The following MYRIP variants were observed in gnomAD, a reference collection of about 807,000 sequenced individuals.
MYRIP encodes the protein rab effector MyRIP.
In MYRIP, 49 loss-of-function variants were observed where a neutral mutation model predicts 98.0. The observed-to-expected ratio is 0.50, with a 90% CI of 0.40 to 0.63. MYRIP has a LOEUF of 0.63. Ranked by LOEUF, MYRIP falls within the 30% of genes least tolerant of loss-of-function variation. The probability of loss-of-function intolerance (pLI) is 0.00; values close to 1 mark genes in which losing one functional copy is unlikely to be tolerated. For synonymous variants in MYRIP, 404 were observed against 409.5 expected (o/e 0.99, Z 0.16); for missense variants, 1,004 against 1,058.2 (o/e 0.95, Z 0.71).
chr3:40,042,557 T>A (rs1947562121), intron 2 of MYRIP, among the ~76,000 whole-genome samples: 1 of 151,418 alleles, frequency 6.6e-6, no homozygotes, highest in Admixed American at 6.7e-5. Context: ...AACTGCATAA[T>A]CACAACTGGG....
chr3:40,203,681 T>TTA (rs1477473815), intron 10 of MYRIP, among the ~76,000 whole-genome samples: 1 of 132,388 alleles, frequency 7.6e-6, no homozygotes, highest in Non-Finnish European at 1.6e-5. Flanking sequence ...TTTTATATTT[T>TTA]TATATATATT....
chr3:40,034,715 A>G lies in MYRIP; in HGVS notation c.111-9335A>G, dbSNP rs538189870. Among the ~76,000 whole-genome samples, 8 of 151,626 alleles carry G rather than the reference A, an allele frequency of 5.3e-5. No homozygotes were observed. In the South Asian group the frequency reaches 1.0e-3, roughly 20 times the overall value. The stretch of plus-strand genomic sequence containing the variant: ...AAATACCATTTGACCCAGCCATCCC[A>G]TTACTGGGTATATACCCAGAGGATT... On this transcript the variant is annotated intron_variant, in intron 2 of 16. Transcript: ENST00000302541.
intron 2 of MYRIP, among the ~76,000 whole-genome samples, chr3:39,974,010 C>T (rs1256170014): frequency 2.0e-5 from 3 of 152,106 alleles, no homozygotes; most frequent in Admixed American, 2.0e-4. Flanking sequence ...CAAGAGCAAA[C>T]ACATTCAAAG....
intron 16 of MYRIP, among the ~76,000 whole-genome samples, chr3:40,253,635 T>C (rs1185034049): frequency 6.6e-6 from 1 of 152,176 alleles, no homozygotes. Flanking sequence ...ACCCAATAAT[T>C]TGATCAACGG....
chr3:40,145,719 C>T (rs1169075137), intron 3 of MYRIP, among the ~76,000 whole-genome samples: 1 of 152,190 alleles, frequency 6.6e-6, no homozygotes, highest in African/African-American at 2.4e-5. Context: ...AATTGTTTAG[C>T]TGGCAGCATA....
chr3:39,843,386 A>T (rs1298303145), intron 1 of MYRIP, among the ~76,000 whole-genome samples: 1 of 152,244 alleles, frequency 6.6e-6, no homozygotes, highest in African/African-American at 2.4e-5. Context: ...ACAAGAAAGA[A>T]AAAGAAAAAA....
chr3:40,101,667 C>T (rs1216748564), intron 3 of MYRIP, among the ~76,000 whole-genome samples: 1 of 152,116 alleles, frequency 6.6e-6, no homozygotes, highest in Non-Finnish European at 1.5e-5. Flanking sequence ...TTAATTTACA[C>T]AATAATTTCT....
chr3:40,210,071 G>A lies in MYRIP; in HGVS notation c.1883G>A (p.Ser628Asn), dbSNP rs1342164662. ...CTGTCCTCTGAAGACAACAGCCAGA[G>A]TGTCCAGGAAGAGCTGAAGAAGGTA... is the stretch of plus-strand genomic sequence containing the variant. ...ESLSSEDNSQ[S>N]VQEELKKKFS... Residue 628 changes from serine to asparagine, a missense_variant, in exon 11 of 17, where the codon AGT becomes AAT. By Grantham distance (46) the Ser-to-Asn change is conservative (BLOSUM62 1). This residue lies in a region of MYRIP where 880 missense variants were observed against 907.7 expected (regional missense o/e 0.97). Coordinates refer to ENST00000302541, the MANE Select transcript of MYRIP (RefSeq NM_015460.4). The A allele has an allele frequency of 6.2e-7, 1 of 1,613,952 alleles. No individual in the cohort carries two copies. The highest frequency in any genetic ancestry group is 1.3e-5 in the African/African-American group (1 of 75,046).
At chr3:40,085,252 T>C (rs1217325885) in intron 3 of MYRIP, among the ~76,000 whole-genome samples, 1 of 151,756 alleles carries the variant, frequency 6.6e-6, no homozygotes, top group Non-Finnish European at 1.5e-5. Context: ...TGTGTCTATG[T>C]ATTATATATA....
chr3:40,139,815 A>G (rs1489528574), intron 3 of MYRIP, among the ~76,000 whole-genome samples: 2 of 152,182 alleles, frequency 1.3e-5, no homozygotes, highest in African/African-American at 4.8e-5. Context: ...CCTGGATTCA[A>G]GTGATCCACC....
chr3:39,813,561 A>G (rs565082838), intron 1 of MYRIP, among the ~76,000 whole-genome samples: 2 of 152,076 alleles, frequency 1.3e-5, no homozygotes, highest in Non-Finnish European at 2.9e-5. Context: ...AAGTTTACAC[A>G]CTATGCAAGC....
chr3:39,894,045 A>T (rs1487341340), intron 1 of MYRIP, among the ~76,000 whole-genome samples: 1 of 152,222 alleles, frequency 6.6e-6, no homozygotes, highest in African/African-American at 2.4e-5. Flanking sequence ...TAAAAATTGC[A>T]TCATACGAAA....
chr3:39,968,537 G>T (rs903422001), intron 2 of MYRIP, among the ~76,000 whole-genome samples: 2 of 152,132 alleles, frequency 1.3e-5, no homozygotes, highest in African/African-American at 4.8e-5. Context: ...TCAATCTTCT[G>T]CATGTGGCTA....
At chr3:39,861,139 C>T (rs1047846632) in intron 1 of MYRIP, among the ~76,000 whole-genome samples, 3 of 152,222 alleles carry the variant, frequency 2.0e-5, no homozygotes, top group African/African-American at 4.8e-5. Flanking sequence ...TTCAGTGCAG[C>T]AGGTTCCTAA....
At chr3:39,979,851 C>T (rs1342534970) in intron 2 of MYRIP, among the ~76,000 whole-genome samples, 2 of 152,128 alleles carry the variant, frequency 1.3e-5, no homozygotes, top group Admixed American at 6.6e-5. Context: ...CACCTTTACA[C>T]AGCACCAACA....
Position 40,175,138 on chromosome 3 carries a change from TA to T in MYRIP, c.873+5050del, listed in dbSNP as rs1311420934. Among the ~76,000 whole-genome samples the T allele has an allele frequency of 6.0e-3, 698 of 116,128 alleles. 6 individuals carry two copies. Among genetic ancestry groups the T allele is most frequent in the African/African-American group, 0.02 (649 of 32,372 alleles). The allele number at this position is 116,128 out of a possible 152,430, so 76.2% of individuals were successfully genotyped here. On this transcript the variant is annotated intron_variant, in intron 8 of 16. Transcript: ENST00000302541. ...AGTCTCTGTCTCAAAAATAATAAAA[TA>T]AAAATAAAAAAATAAAGATAAATGT...
At chr3:40,082,805 G>A (rs376425417) in intron 3 of MYRIP, among the ~76,000 whole-genome samples, 13 of 152,164 alleles carry the variant, frequency 8.5e-5, no homozygotes, top group East Asian at 3.9e-4. Context: ...TTTTCATCTC[G>A]ATGCTCATGA....
intron 3 of MYRIP, among the ~76,000 whole-genome samples, chr3:40,096,094 CTG>C (rs914137176): frequency 6.6e-6 from 1 of 151,640 alleles, no homozygotes; most frequent in African/African-American, 2.4e-5. Flanking sequence ...CTGACCATGT[CTG>C]TGACTGCTGT....
rs760818351 is a variant in MYRIP at position 40,190,312 on chromosome 3, G to A, written c.1514G>A (p.Arg505Lys). The change falls in exon 10 of 17, where the codon AGG (arginine) becomes AAG (lysine). Residue 505 changes from arginine to lysine, a missense_variant. Arg to Lys is a conservative substitution (Grantham distance 26, BLOSUM62 2). This residue lies in a region of MYRIP where 880 missense variants were observed against 907.7 expected (regional missense o/e 0.97). Transcript: ENST00000302541. The stretch of plus-strand genomic sequence containing the variant: ...AACTTCAACCCCCAGTTGGCCAGCA[G>A]GGAGACCTCGGACAGCAGCGAGCCG... ...DVNFNPQLAS[R>K]ETSDSSEPEE... The A allele has an allele frequency of 2.5e-6, 4 of 1,614,078 alleles. No individual in the cohort carries two copies. In the East Asian group the frequency reaches 8.9e-5, roughly 36 times the overall value.
Sources: allele counts gnomAD v4.1 joint callset (sites outside exome capture counted in the v4.1 genomes callset), GRCh38; gene constraint gnomAD v4.1.1; regional missense constraint gnomAD v4.1.1; transcripts MANE v1.5; gene names NCBI Gene and HGNC (gene_info 2026-07-23, HGNC 2026-07-21).